Variants in KCNH5 observed in about 807,000 individuals in gnomAD.
KCNH5 encodes potassium voltage-gated channel subfamily H member 5.
A neutral mutation model predicts 96.1 loss-of-function variants in KCNH5; 46 were observed. The ratio of observed to expected loss-of-function variants is 0.48; its 90% CI spans 0.38 to 0.61. KCNH5 has a LOEUF of 0.61. Ranked by LOEUF, KCNH5 falls within the 20% of genes least tolerant of loss-of-function variation. KCNH5 has a pLI of 0.00. For missense variants in KCNH5, 907 were observed against 1,225.8 expected, an observed-to-expected ratio of 0.74 and a Z score of 3.88; for synonymous variants, 439 against 449.8, an observed-to-expected ratio of 0.98 and a Z score of 0.30.
rs762787207 is a variant in KCNH5, at chr14:63,006,464, T to C, written c.206A>G (p.Tyr69Cys). The C allele has an allele frequency of 1.3e-6, 2 of 1,593,526 alleles. No homozygotes were observed. The highest frequency in any genetic ancestry group is 1.7e-6 in the Non-Finnish European group (2 of 1,163,078). ...GGTCTTCTTGTCAGTCAATTCCCCA[T>C]ACATAAAACTGGGGGGGAAAAAAAA... Reference protein sequence around the residue: ...MQKSSTCSFMYGELTDKKTIE... With the variant: ...MQKSSTCSFMCGELTDKKTIE... Residue 69 changes from tyrosine to cysteine, a missense_variant, in exon 3 of 11, where the codon TAT becomes TGT. Transcript: ENST00000322893.
At chr14:62,866,330 A>G (rs1888133587) in intron 7 of KCNH5, among the ~76,000 whole-genome samples, 1 of 152,222 alleles carries the variant, frequency 6.6e-6, no homozygotes, top group African/African-American at 2.4e-5. Context: ...TGTGTACCCC[A>G]TGAAACACTG....
At chr14:63,034,091 T>G (rs572073422) in intron 1 of KCNH5, among the ~76,000 whole-genome samples, 1 of 152,176 alleles carries the variant, frequency 6.6e-6, no homozygotes, top group Non-Finnish European at 1.5e-5. Flanking sequence ...GGCTAATTTT[T>G]TGTATTTTAG....
chr14:62,770,669 G>A (rs1885965712), intron 10 of KCNH5, among the ~76,000 whole-genome samples: 1 of 152,192 alleles, frequency 6.6e-6, no homozygotes. Context: ...CTGTAGGGCA[G>A]CAAGAAAACC....
At chr14:62,868,751 T>G (rs891170483) in intron 7 of KCNH5, among the ~76,000 whole-genome samples, 2 of 152,166 alleles carry the variant, frequency 1.3e-5, no homozygotes, top group Non-Finnish European at 2.9e-5. Context: ...GTGTTCTCAT[T>G]GTTCAACTCC....
chr14:62,865,023 T>G (rs2140060350), intron 7 of KCNH5, among the ~76,000 whole-genome samples: 1 of 152,182 alleles, frequency 6.6e-6, no homozygotes, highest in Admixed American at 6.5e-5. Flanking sequence ...CCAACCAGTG[T>G]CACAGACTGA....
intron 6 of KCNH5, among the ~76,000 whole-genome samples, chr14:62,976,739 T>G (rs1890507324): frequency 6.6e-6 from 1 of 152,180 alleles, no homozygotes; most frequent in South Asian, 2.1e-4. Context: ...TTATCAGAAT[T>G]ACTGGAGGAG....
intron 10 of KCNH5, among the ~76,000 whole-genome samples, chr14:62,721,427 T>A (rs1460523206): frequency 6.6e-6 from 1 of 152,154 alleles, no homozygotes; most frequent in East Asian, 1.9e-4. Context: ...TTCCTAGATA[T>A]AATTCTCTGG....
At chr14:62,968,497 A>C (rs919631078) in intron 6 of KCNH5, among the ~76,000 whole-genome samples, 6 of 152,206 alleles carry the variant, frequency 3.9e-5, no homozygotes, top group Non-Finnish European at 5.9e-5. Context: ...ATCTGACTGG[A>C]GGATTATTTA....
Position 63,010,779 on chromosome 14 carries a change from C to T in KCNH5, c.198-4307G>A, listed in dbSNP as rs767146378. Among the ~76,000 whole-genome samples the T allele has an allele frequency of 5.2e-4, 79 of 152,178 alleles. 1 individual carries two copies. The highest frequency in any genetic ancestry group is 3.8e-3 in the Admixed American group (58 of 15,276). Reference sequence around the variant, plus strand: ...CTCTCAAAATCTCACGAACAAGCCTCATTATAGTACCTAGCGTAAGAATGG... The same window carrying T: ...CTCTCAAAATCTCACGAACAAGCCTTATTATAGTACCTAGCGTAAGAATGG... On this transcript the variant is annotated intron_variant, in intron 2 of 10. Coordinates refer to ENST00000322893, the MANE Select transcript of KCNH5 (RefSeq NM_139318.5).
chr14:62,784,084 G>T (rs969004466), intron 9 of KCNH5, among the ~76,000 whole-genome samples: 1 of 152,126 alleles, frequency 6.6e-6, no homozygotes, highest in African/African-American at 2.4e-5. Context: ...AAAGAAAAGA[G>T]GTTTAATTGA....
chr14:62,852,350 G>C (rs1231298730), intron 7 of KCNH5, among the ~76,000 whole-genome samples: 1 of 152,028 alleles, frequency 6.6e-6, no homozygotes, highest in East Asian at 1.9e-4. Context: ...GTGAATGTAG[G>C]GTCCCTACAT....
intron 8 of KCNH5, among the ~76,000 whole-genome samples, chr14:62,849,131 T>C (rs1214424209): frequency 1.3e-5 from 2 of 152,208 alleles, no homozygotes; most frequent in Admixed American, 6.5e-5. Context: ...ATATCTATTT[T>C]ATAGATGTGT....
chr14:62,740,486 A>G (rs765238715), intron 10 of KCNH5, among the ~76,000 whole-genome samples: 7 of 152,086 alleles, frequency 4.6e-5, no homozygotes, highest in Non-Finnish European at 7.4e-5. Context: ...TGATTTTCTA[A>G]CATTACACCT....
At chr14:62,724,504 C>T (rs1884882371) in intron 10 of KCNH5, among the ~76,000 whole-genome samples, 1 of 152,090 alleles carries the variant, frequency 6.6e-6, no homozygotes, top group South Asian at 2.1e-4. Flanking sequence ...ACATACTTGC[C>T]CCATTTTCCA....
intron 7 of KCNH5, among the ~76,000 whole-genome samples, chr14:62,940,554 G>C (rs1889767701): frequency 6.6e-6 from 1 of 152,140 alleles, no homozygotes; most frequent in Non-Finnish European, 1.5e-5. Flanking sequence ...AAAGCTTTTT[G>C]ACATCTTGGT....
intron 8 of KCNH5, among the ~76,000 whole-genome samples, chr14:62,825,408 T>C (rs1297337956): frequency 2.0e-5 from 3 of 149,776 alleles, no homozygotes; most frequent in Non-Finnish European, 4.4e-5. Flanking sequence ...TTTTTTCATA[T>C]TTTTTTTTGA....
At chr14:62,800,946 A>AG (rs1886647709) in intron 9 of KCNH5, among the ~76,000 whole-genome samples, 1 of 152,046 alleles carries the variant, frequency 6.6e-6, no homozygotes, top group Non-Finnish European at 1.5e-5. Flanking sequence ...AAAAAAAAAA[A>AG]CAGTTCCTAG....
chr14:63,006,332 G>A, intron 3 of KCNH5, 34 bp downstream of exon 3: 1 of 1,284,084 alleles, frequency 7.8e-7, no homozygotes, highest in Non-Finnish European at 1.1e-6. Flanking sequence ...TTAATAAAGA[G>A]TTGGCACATC....
At chr14:62,850,141 A>G (rs1296130517) in intron 7 of KCNH5, among the ~76,000 whole-genome samples, 1 of 152,172 alleles carries the variant, frequency 6.6e-6, no homozygotes, top group African/African-American at 2.4e-5. Flanking sequence ...TTTTCTGAAG[A>G]ATCAGATGAT....
Sources: allele counts gnomAD v4.1 joint callset (sites outside exome capture counted in the v4.1 genomes callset), GRCh38; gene constraint gnomAD v4.1.1; transcripts MANE v1.5; gene names NCBI Gene and HGNC (gene_info 2026-07-23, HGNC 2026-07-21).